The following PLCZ1 variants were observed in gnomAD, a reference collection of about 807,000 sequenced individuals.
PLCZ1 encodes phospholipase C zeta 1.
Under a neutral mutation model 76.8 loss-of-function variants are expected in PLCZ1, and 64 were observed. The observed-to-expected ratio is 0.83, with a 90% confidence interval of 0.68 to 1.03. PLCZ1 has a LOEUF of 1.03. Among genes scored for constraint, PLCZ1 ranks in the 50% least tolerant of loss-of-function variants. The pLI is 0.00. For missense variants in PLCZ1, 751 were observed against 713.7 expected (o/e 1.05, Z -0.60); for synonymous variants, 248 against 230.8 (o/e 1.07, Z -0.68).
intron 5 of PLCZ1, among the ~76,000 whole-genome samples, chr12:18,718,443 G>A (rs975193893): frequency 2.0e-5 from 3 of 152,002 alleles, no homozygotes; most frequent in Non-Finnish European, 2.9e-5. Context: ...TCCTCTCCAT[G>A]CTCTACAAGA....
downstream of PLCZ1, among the ~76,000 whole-genome samples, chr12:18,678,393 G>A (rs1952137356): frequency 6.6e-6 from 1 of 151,960 alleles, no homozygotes; most frequent in Non-Finnish European, 1.5e-5. Flanking sequence ...CACGTTTGAA[G>A]TATACAATTT....
At chr12:18,662,220 A>G in the PLCZ1 span, among the ~76,000 whole-genome samples, 20 of 152,140 alleles carry the variant, frequency 1.3e-4, no homozygotes, top group African/African-American at 1.7e-4. Flanking sequence ...CACTATGCTC[A>G]TCACCTGGCT....
At chr12:18,707,283 G>A (rs1956722690) in intron 6 of PLCZ1, among the ~76,000 whole-genome samples, 8 of 152,140 alleles carry the variant, frequency 5.3e-5, no homozygotes, top group Admixed American at 5.2e-4. Flanking sequence ...GAATTAGAGT[G>A]AGTCCACTGA....
In PLCZ1 at chr12:18,705,151, AG is replaced by A. The variant is rs560712995; in HGVS notation, c.864+14del. 455 of 1,613,790 alleles carry A rather than the reference AG, an allele frequency of 2.8e-4. 5 individuals are homozygous for A. The South Asian group carries it at 4.6e-3, about 16-fold the overall frequency. On this transcript the variant is annotated intron_variant, in intron 7 of 14. Coordinates refer to ENST00000266505, the MANE Select transcript of PLCZ1 (RefSeq NM_033123.4). ...ACTTTTTTCTTAACCTGAGTTTCTC[AG>A]AAAAAAATGTTACCTCTGGTGATGG...
intron 3 of PLCZ1, among the ~76,000 whole-genome samples, chr12:18,728,989 G>C (rs552313626): frequency 6.6e-5 from 10 of 152,120 alleles, no homozygotes; most frequent in Admixed American, 5.9e-4. Context: ...AGAATCAGTA[G>C]AGAAATAATT....
At chr12:18,647,781 T>A in the PLCZ1 span, 2 of 607,832 alleles carry the variant, frequency 3.3e-6, no homozygotes, top group South Asian at 3.9e-5. Flanking sequence ...GTATAAGATA[T>A]TAGCAGCTAA....
intron 6 of PLCZ1, among the ~76,000 whole-genome samples, chr12:18,711,278 G>T (rs554224883): frequency 6.7e-6 from 1 of 148,428 alleles, no homozygotes; most frequent in East Asian, 2.0e-4. Context: ...GCAAACTATC[G>T]CAAGGACAAA....
the PLCZ1 span, among the ~76,000 whole-genome samples, chr12:18,648,742 C>T: frequency 2.0e-5 from 3 of 152,022 alleles, no homozygotes; most frequent in Admixed American, 2.0e-4. Flanking sequence ...TATCTGTGCA[C>T]ATTATTTTCC....
chr12:18,732,853 T>G (rs1442292531), intron 3 of PLCZ1, among the ~76,000 whole-genome samples: 5 of 152,252 alleles, frequency 3.3e-5, no homozygotes, highest in Non-Finnish European at 7.3e-5. Flanking sequence ...TACTATATTT[T>G]CTTTATTCAT....
At chr12:18,695,951 T>C (rs779351367) in intron 11 of PLCZ1, among the ~76,000 whole-genome samples, 199 bp downstream of exon 11, 5 of 151,978 alleles carry the variant, frequency 3.3e-5, no homozygotes, top group Non-Finnish European at 2.9e-5. Flanking sequence ...AAACCATCAC[T>C]GAGATTTACC....
intron 5 of PLCZ1, chr12:18,714,685 T>G (rs1171336871): frequency 6.6e-6 from 1 of 152,126 alleles, no homozygotes; most frequent in East Asian, 1.9e-4. Context: ...GGTTTTCCAC[T>G]GGGACGACTT....
intron 3 of PLCZ1, among the ~76,000 whole-genome samples, chr12:18,735,330 A>G (rs1565747175): frequency 6.6e-6 from 1 of 152,100 alleles, no homozygotes; most frequent in African/African-American, 2.4e-5. Flanking sequence ...ATTGGTATTA[A>G]TTCTTCTTTA....
At chr12:18,679,132 G>A (rs893504691), downstream of PLCZ1, among the ~76,000 whole-genome samples, 2 of 151,798 alleles carry the variant, frequency 1.3e-5, no homozygotes, top group Non-Finnish European at 2.9e-5. Context: ...TTTCCTTTTG[G>A]CAAGTGCCTG....
Position 18,707,213 on chromosome 12 carries a change from T to C in PLCZ1, c.715-1898A>G, listed in dbSNP as rs534568516. Among the ~76,000 whole-genome samples, 4 of 152,290 alleles carry C rather than the reference T, an allele frequency of 2.6e-5. No individual in the cohort carries two copies. In the East Asian group the frequency reaches 7.7e-4, roughly 29 times the overall value. On this transcript the variant is annotated intron_variant, in intron 6 of 14. Coordinates refer to ENST00000266505, the MANE Select transcript of PLCZ1 (RefSeq NM_033123.4). ...TCCAAATAAAACAACATTTACAAGTTCCAGGAATTAAAACTTAATATTTTT... is the reference window on the plus strand; with the variant it reads ...TCCAAATAAAACAACATTTACAAGTCCCAGGAATTAAAACTTAATATTTTT...
intron 6 of PLCZ1, among the ~76,000 whole-genome samples, chr12:18,706,291 G>A (rs1214337160): frequency 6.6e-6 from 1 of 151,016 alleles, no homozygotes; most frequent in Non-Finnish European, 1.5e-5. Context: ...GCTATAGAAA[G>A]TTATCTACGG....
chr12:18,652,239 G>A, the PLCZ1 span, among the ~76,000 whole-genome samples: 2 of 151,956 alleles, frequency 1.3e-5, no homozygotes, highest in Admixed American at 1.3e-4. Context: ...CCCCTAATTC[G>A]CCAGTCCCAT....
the PLCZ1 span, among the ~76,000 whole-genome samples, chr12:18,674,237 A>G: frequency 6.6e-6 from 1 of 152,216 alleles, no homozygotes; most frequent in Non-Finnish European, 1.5e-5. Flanking sequence ...ATTAAATTCA[A>G]ACAATAGCTT....
At chr12:18,692,431 T>C (rs1954254554) in intron 12 of PLCZ1, among the ~76,000 whole-genome samples, 1 of 151,990 alleles carries the variant, frequency 6.6e-6, no homozygotes, top group Admixed American at 6.6e-5. Context: ...AGCACTTAGG[T>C]TATAGAGGAA....
the PLCZ1 span, among the ~76,000 whole-genome samples, chr12:18,656,605 A>G: frequency 6.6e-6 from 1 of 152,020 alleles, no homozygotes; most frequent in South Asian, 2.1e-4. Flanking sequence ...GCATGGTTAC[A>G]TGCACCTGGT....
Sources: allele counts gnomAD v4.1 joint callset (sites outside exome capture counted in the v4.1 genomes callset), GRCh38; gene constraint gnomAD v4.1.1; transcripts MANE v1.5; gene names NCBI Gene and HGNC (gene_info 2026-07-23, HGNC 2026-07-21).